Variants in ANKS1B observed in about 807,000 individuals in gnomAD.
The protein encoded by ANKS1B is ankyrin repeat and sterile alpha motif domain-containing protein 1B.
In ANKS1B, 36 loss-of-function variants were observed where a neutral mutation model predicts 148.3. That is an observed-to-expected ratio of 0.24 (90% confidence interval 0.19 to 0.32). The LOEUF (loss-of-function observed/expected upper bound fraction) is 0.32. ANKS1B is among the 10% of genes least tolerant of loss of function. ANKS1B has a pLI of 1.00. For synonymous variants in ANKS1B, 542 were observed against 560.8 expected (o/e 0.97, Z 0.47); for missense variants, 1,157 against 1,542.6 (o/e 0.75, Z 4.19).
chr12:99,546,924 G>A (rs1291335710), intron 9 of ANKS1B, among the ~76,000 whole-genome samples: 1 of 152,054 alleles, frequency 6.6e-6, no homozygotes, highest in Admixed American at 6.6e-5. Flanking sequence ...GATTATTTTA[G>A]CAAGAGGAAA....
chr12:99,155,586 A>G (rs1208351441), intron 14 of ANKS1B, among the ~76,000 whole-genome samples: 1 of 152,174 alleles, frequency 6.6e-6, no homozygotes, highest in East Asian at 1.9e-4. Flanking sequence ...AAATAATTCA[A>G]GAATAACAGA....
intron 1 of ANKS1B, among the ~76,000 whole-genome samples, chr12:99,979,987 G>A (rs1294538244): frequency 1.3e-5 from 2 of 151,726 alleles, no homozygotes; most frequent in African/African-American, 2.4e-5. Flanking sequence ...AAGTTAATAC[G>A]CTGAAAGACA....
At chr12:99,361,799 A>C (rs543811806) in intron 12 of ANKS1B, among the ~76,000 whole-genome samples, 50 of 152,160 alleles carry the variant, frequency 3.3e-4, no homozygotes, top group African/African-American at 1.1e-3. Flanking sequence ...TTGTAATAGC[A>C]CACTGGGGGT....
chr12:99,922,492 C>T (rs2094383601), intron 1 of ANKS1B, among the ~76,000 whole-genome samples: 1 of 152,034 alleles, frequency 6.6e-6, no homozygotes, highest in Non-Finnish European at 1.5e-5. Flanking sequence ...CCATTAATAC[C>T]AATGGACATA....
At chr12:99,168,940 T>A (rs1295241870) in intron 14 of ANKS1B, among the ~76,000 whole-genome samples, 1 of 152,256 alleles carries the variant, frequency 6.6e-6, no homozygotes, top group Non-Finnish European at 1.5e-5. Context: ...AGTTTAGGTA[T>A]CTAAAATTAA....
In ANKS1B at chr12:98,811,155, C is replaced by T. The variant is rs576166545; in HGVS notation, c.3067-3237G>A. On this transcript the variant is annotated intron_variant, in intron 19 of 26. Coordinates refer to ENST00000683438, the MANE Select transcript of ANKS1B (RefSeq NM_001352186.2). ...TCCAACCTAGGTTCTCCTGTGTCCC[C>T]GTGTGATTTCTTTGGAGAGCTCTTC... Among the ~76,000 whole-genome samples, 239 of 152,300 alleles carry T rather than the reference C, an allele frequency of 1.6e-3. 1 individual carries two copies. The highest frequency in any genetic ancestry group is 5.1e-3 in the African/African-American group (212 of 41,558).
intron 11 of ANKS1B, among the ~76,000 whole-genome samples, chr12:99,437,490 T>C (rs1353319388): frequency 1.3e-5 from 2 of 151,974 alleles, no homozygotes. Flanking sequence ...GTCTGTGGTA[T>C]TGTGCCAAAA....
chr12:99,635,895 T>C (rs1317189273), intron 9 of ANKS1B, among the ~76,000 whole-genome samples: 2 of 152,040 alleles, frequency 1.3e-5, no homozygotes, highest in Non-Finnish European at 2.9e-5. Flanking sequence ...GAAGGAACCA[T>C]AGATAAATTA....
intron 11 of ANKS1B, among the ~76,000 whole-genome samples, chr12:99,442,012 A>G (rs960347572): frequency 6.6e-6 from 1 of 151,964 alleles, no homozygotes; most frequent in Non-Finnish European, 1.5e-5. Flanking sequence ...TTTTATTAAC[A>G]TATATAGGAC....
At chr12:99,490,620 G>C (rs1001808841) in intron 10 of ANKS1B, among the ~76,000 whole-genome samples, 1 of 152,118 alleles carries the variant, frequency 6.6e-6, no homozygotes, top group Non-Finnish European at 1.5e-5. Context: ...TGAGCTTCTT[G>C]AATTTGTGTG....
intron 10 of ANKS1B, among the ~76,000 whole-genome samples, chr12:99,500,535 C>T (rs1314265734): frequency 6.6e-6 from 1 of 152,130 alleles, no homozygotes; most frequent in Non-Finnish European, 1.5e-5. Flanking sequence ...CCTGACAAGC[C>T]CTGTCAAACT....
Position 99,314,850 on chromosome 12 carries a change from A to G in ANKS1B, c.1757-67986T>C, listed in dbSNP as rs533989021. On this transcript the variant is annotated intron_variant, in intron 12 of 26. Transcript: ENST00000683438. ...ACCTAGGCAATACCATTCAGGACATAGGCATGGGCAAAGATTTCATGACAA... is the reference window on the plus strand; with the variant it reads ...ACCTAGGCAATACCATTCAGGACATGGGCATGGGCAAAGATTTCATGACAA... 6.6e-5 allele frequency among the ~76,000 whole-genome samples: 10 copies of G among 152,348 alleles called. No homozygotes were observed. The East Asian group carries it at 1.9e-3, about 29-fold the overall frequency.
rs374449450 is a variant in ANKS1B at position 99,844,852 on chromosome 12, T to C, written c.135-19463A>G. On this transcript the variant is annotated intron_variant, in intron 1 of 26. Transcript: ENST00000683438. ...AGTATGGCCATTTTCATATTAATTC[T>C]TCCTTTCCATGAGCATGAAATGTTT... Among the ~76,000 whole-genome samples the C allele has an allele frequency of 3.3e-5, 5 of 152,338 alleles. 1 individual carries two copies. Among genetic ancestry groups the C allele is most frequent in the African/African-American group, 1.2e-4 (5 of 41,590 alleles).
At chr12:99,145,748 A>C (rs2072837532) in intron 15 of ANKS1B, among the ~76,000 whole-genome samples, 2 of 152,194 alleles carry the variant, frequency 1.3e-5, no homozygotes, top group East Asian at 1.9e-4. Flanking sequence ...TCACTGAATA[A>C]GTGAAGGGAG....
chr12:99,372,708 C>T lies in ANKS1B; in HGVS notation c.1756+26923G>A, dbSNP rs190435673. On this transcript the variant is annotated intron_variant, in intron 12 of 26. Transcript: ENST00000683438. ...CACTCACGCACATTATTTTTATATG[C>T]GACAATTTCTGGCTCTGCATAAAAT... Among the ~76,000 whole-genome samples the T allele has an allele frequency of 4.7e-3, 721 of 152,104 alleles. 19 individuals carry two copies. The highest frequency in any genetic ancestry group is 0.038 in the Admixed American group (578 of 15,262).
intron 1 of ANKS1B, among the ~76,000 whole-genome samples, chr12:99,897,039 T>C (rs192703841): frequency 6.6e-6 from 1 of 151,354 alleles, no homozygotes. Context: ...ATTATTTACT[T>C]TTCTCTTAAA....
At chr12:99,164,311 C>G (rs1043845792) in intron 14 of ANKS1B, among the ~76,000 whole-genome samples, 2 of 152,066 alleles carry the variant, frequency 1.3e-5, no homozygotes, top group Admixed American at 1.3e-4. Context: ...TTTTAAAATA[C>G]AATCTCTAAT....
intron 8 of ANKS1B, among the ~76,000 whole-genome samples, chr12:99,680,598 T>G (rs931957511): frequency 2.0e-5 from 3 of 152,070 alleles, no homozygotes; most frequent in Non-Finnish European, 4.4e-5. Context: ...TGTAATAATT[T>G]TGACCAAGCA....
chr12:99,666,091 G>A (rs2098505360), intron 8 of ANKS1B, among the ~76,000 whole-genome samples: 1 of 152,120 alleles, frequency 6.6e-6, no homozygotes. Context: ...CCCCATTGAA[G>A]TGCCCTGCAG....
Sources: gnomAD v4.1 joint callset for allele counts (sites outside exome capture counted in the v4.1 genomes callset) on GRCh38, gnomAD v4.1.1 for gene constraint, MANE v1.5 for transcripts, NCBI Gene and HGNC (gene_info 2026-07-23, HGNC 2026-07-21) for gene names.